TENM3: variants seen among roughly 807,000 people sequenced by gnomAD.
TENM3 encodes the protein teneurin transmembrane protein 3.
A neutral mutation model predicts 255.1 loss-of-function variants in TENM3; 63 were observed. That is an observed-to-expected ratio of 0.25 (90% CI 0.20 to 0.30). The LOEUF (loss-of-function observed/expected upper bound fraction) is 0.30. TENM3 is among the 10% of genes least tolerant of loss of function. TENM3 has a pLI of 1.00. For synonymous variants in TENM3, 1,306 were observed against 1,322.3 expected (o/e 0.99, Z 0.27); for missense variants, 2,929 against 3,461.1 (o/e 0.85, Z 3.86).
chr4:181,780,979 A>G, the TENM3 span, among the ~76,000 whole-genome samples: 2 of 152,000 alleles, frequency 1.3e-5, no homozygotes, highest in Admixed American at 1.3e-4. Context: ...CCATTGGTCT[A>G]TATCTCTGTT....
At chr4:181,734,149 A>G in the TENM3 span, among the ~76,000 whole-genome samples, 1 of 152,190 alleles carries the variant, frequency 6.6e-6, no homozygotes, top group Non-Finnish European at 1.5e-5. Flanking sequence ...TTGGAAAGTG[A>G]ACATCACTGA....
intron 1 of TENM3, among the ~76,000 whole-genome samples, chr4:182,197,217 C>T (rs1022807088): frequency 6.6e-6 from 1 of 152,206 alleles, no homozygotes; most frequent in African/African-American, 2.4e-5. Context: ...CAGTGTTTAA[C>T]ATTGGTTAGC....
chr4:181,909,058 C>T, the TENM3 span, among the ~76,000 whole-genome samples: 2 of 152,142 alleles, frequency 1.3e-5, no homozygotes, highest in African/African-American at 2.4e-5. Context: ...CCTTTCCTTT[C>T]TGAATTCATT....
intron 16 of TENM3, among the ~76,000 whole-genome samples, chr4:182,735,002 A>G (rs938536472): frequency 6.6e-6 from 1 of 152,224 alleles, no homozygotes; most frequent in African/African-American, 2.4e-5. Context: ...TATCAGGGTC[A>G]TTCTGGAGTC....
chr4:182,186,511 G>C (rs1753160226), intron 1 of TENM3, among the ~76,000 whole-genome samples: 1 of 150,948 alleles, frequency 6.6e-6, no homozygotes, highest in Non-Finnish European at 1.5e-5. Flanking sequence ...TTTTTAATAG[G>C]AGAAGATCAC....
chr4:181,967,280 T>C, the TENM3 span, among the ~76,000 whole-genome samples: 1 of 152,152 alleles, frequency 6.6e-6, no homozygotes, highest in Admixed American at 6.5e-5. Flanking sequence ...CACCCATGTG[T>C]CAGGTGATCC....
At chr4:181,589,231 TTTTTC>T in the TENM3 span, among the ~76,000 whole-genome samples, 4 of 152,202 alleles carry the variant, frequency 2.6e-5, no homozygotes, top group Non-Finnish European at 5.9e-5. Flanking sequence ...TTTCTGAACA[TTTTTC>T]TAATCTGGTG....
chr4:181,767,465 G>A, the TENM3 span, among the ~76,000 whole-genome samples: 1 of 151,922 alleles, frequency 6.6e-6, no homozygotes, highest in Non-Finnish European at 1.5e-5. Flanking sequence ...GGAATCAAAC[G>A]AGGTCCTGCA....
chr4:181,788,894 A>G, the TENM3 span, among the ~76,000 whole-genome samples: 7,747 of 152,260 alleles, frequency 0.051, 452 homozygotes, highest in African/African-American at 0.14. Context: ...CACTGCGCCT[A>G]GCCCTATCTT....
At chr4:182,176,821 ATTTTTTTT>A (rs529637466) in intron 1 of TENM3, among the ~76,000 whole-genome samples, 1 of 113,356 alleles carries the variant, frequency 8.8e-6, no homozygotes, top group African/African-American at 3.3e-5. Context: ...CATCCGGCTA[ATTTTTTTT>A]TTTTTTTTTT....
At chr4:182,011,361 CCA>C in the TENM3 span, among the ~76,000 whole-genome samples, 39 of 152,262 alleles carry the variant, frequency 2.6e-4, no homozygotes, top group Middle Eastern at 3.4e-3. Flanking sequence ...ATATCCAGAT[CCA>C]CTTGATTTTA....
intron 3 of TENM3, among the ~76,000 whole-genome samples, chr4:182,519,166 CA>C (rs143174812): frequency 0.29 from 42,312 of 146,528 alleles, 6,536 homozygotes; most frequent in South Asian, 0.39. Context: ...GCTTTAGTGC[CA>C]AAAAAAAAAA....
intron 3 of TENM3, among the ~76,000 whole-genome samples, chr4:182,352,922 C>T (rs1452731306): frequency 6.6e-6 from 1 of 152,088 alleles, no homozygotes; most frequent in African/African-American, 2.4e-5. Flanking sequence ...AGTGCCATTT[C>T]TTCTCTTCCT....
At chr4:181,822,875 T>C in the TENM3 span, among the ~76,000 whole-genome samples, 1 of 152,164 alleles carries the variant, frequency 6.6e-6, no homozygotes. Context: ...CCTACAAAAT[T>C]GTAGAAAAAA....
the TENM3 span, among the ~76,000 whole-genome samples, chr4:181,480,351 T>A: frequency 6.6e-6 from 1 of 152,102 alleles, no homozygotes; most frequent in East Asian, 1.9e-4. Context: ...TGGGAAAATG[T>A]GTTGTAAAAA....
At chr4:181,982,116 T>C in the TENM3 span, among the ~76,000 whole-genome samples, 1 of 151,420 alleles carries the variant, frequency 6.6e-6, no homozygotes, top group African/African-American at 2.4e-5. Flanking sequence ...TCAGTGGGAG[T>C]AGAAGAGAAA....
intron 1 of TENM3, among the ~76,000 whole-genome samples, chr4:182,252,764 G>A (rs531583307): frequency 2.0e-5 from 3 of 152,020 alleles, no homozygotes; most frequent in South Asian, 4.1e-4. Context: ...GAAGCAAATC[G>A]GCATTTATTC....
At chr4:182,600,610 CA>C (rs1372759127) in intron 3 of TENM3, among the ~76,000 whole-genome samples, 1 of 151,898 alleles carries the variant, frequency 6.6e-6, no homozygotes. Flanking sequence ...GAGGAGCTGT[CA>C]GATGCTGTTT....
the TENM3 span, among the ~76,000 whole-genome samples, chr4:181,645,659 T>C: frequency 7.2e-5 from 11 of 152,228 alleles, no homozygotes; most frequent in Non-Finnish European, 1.2e-4. Context: ...GTGGAACTCG[T>C]CCAAGTGATA....
Sources: gnomAD v4.1 joint callset for allele counts (sites outside exome capture counted in the v4.1 genomes callset) on GRCh38, gnomAD v4.1.1 for gene constraint, MANE v1.5 for transcripts, NCBI Gene and HGNC (gene_info 2026-07-23, HGNC 2026-07-21) for gene names.